Variants in GALNT17 observed in about 807,000 individuals in gnomAD.
GALNT17 encodes UDP-GalNAc:polypeptide N-acetylgalactosaminyltransferase-like 3.
In GALNT17, 29 loss-of-function variants were observed where a neutral mutation model predicts 63.7. The ratio of observed to expected loss-of-function variants is 0.46; its 90% CI spans 0.34 to 0.62. The LOEUF (loss-of-function observed/expected upper bound fraction) is 0.62. GALNT17 is among the 20% of genes least tolerant of loss of function. The probability of loss-of-function intolerance (pLI) is 0.01; values close to 1 mark genes in which losing one functional copy is unlikely to be tolerated. For synonymous variants in GALNT17, 305 were observed against 318.3 expected, an observed-to-expected ratio of 0.96 and a Z score of 0.45; for missense variants, 603 against 799.6, an observed-to-expected ratio of 0.75 and a Z score of 2.97.
chr7:71,526,263 C>T (rs941571924), intron 5 of GALNT17, among the ~76,000 whole-genome samples: 9 of 152,188 alleles, frequency 5.9e-5, no homozygotes, highest in African/African-American at 2.2e-4. Context: ...GGAATAGAAA[C>T]AGTACCTAGG....
chr7:71,133,832 G>T (rs758828365), intron 1 of GALNT17, among the ~76,000 whole-genome samples: 9 of 152,206 alleles, frequency 5.9e-5, no homozygotes, highest in Non-Finnish European at 8.8e-5. Context: ...CAACGTCAGA[G>T]TGAGTGTTAC....
intron 8 of GALNT17, among the ~76,000 whole-genome samples, chr7:71,672,098 C>A (rs925170178): frequency 4.0e-5 from 6 of 150,862 alleles, no homozygotes; most frequent in Non-Finnish European, 7.4e-5. Context: ...AACTGCCTTG[C>A]CTTTTCTTCT....
intron 6 of GALNT17, among the ~76,000 whole-genome samples, chr7:71,578,015 T>C (rs987657965): frequency 2.5e-4 from 34 of 133,862 alleles, no homozygotes; most frequent in Middle Eastern, 7.5e-3. Context: ...ATTTATTTAT[T>C]TATTTATTTA....
intron 1 of GALNT17, among the ~76,000 whole-genome samples, chr7:71,212,466 C>G (rs1184532667): frequency 6.6e-6 from 1 of 152,178 alleles, no homozygotes; most frequent in African/African-American, 2.4e-5. Context: ...GGTTGGAGCC[C>G]CCACACAGAG....
chr7:71,706,914 G>A (rs574759036), intron 9 of GALNT17, among the ~76,000 whole-genome samples: 1 of 152,298 alleles, frequency 6.6e-6, no homozygotes, highest in East Asian at 1.9e-4. Context: ...TTCTGGAGGA[G>A]GTGGGGTTCT....
chr7:71,648,319 G>A lies in GALNT17; in HGVS notation c.1081-17092G>A, dbSNP rs560740112. Among the ~76,000 whole-genome samples, 18 of 151,350 alleles carry A rather than the reference G, an allele frequency of 1.2e-4. No homozygotes were observed. The South Asian group carries it at 1.7e-3, about 14-fold the overall frequency. On this transcript the variant is annotated intron_variant, in intron 6 of 10. Transcript: ENST00000333538. ...AAAGTCTCACTCTGTTGCCCAGGCT[G>A]GAGTACAGTGGCTCAATCACAGCTC... is the stretch of plus-strand genomic sequence containing the variant.
intron 1 of GALNT17, among the ~76,000 whole-genome samples, chr7:71,218,256 T>C (rs1789522317): frequency 6.6e-6 from 1 of 152,092 alleles, no homozygotes; most frequent in African/African-American, 2.4e-5. Context: ...TTATCCGGCA[T>C]GGTGGTGGGT....
intron 8 of GALNT17, among the ~76,000 whole-genome samples, chr7:71,675,936 C>T (rs759043034): frequency 1.3e-5 from 2 of 152,102 alleles, no homozygotes; most frequent in South Asian, 2.1e-4. Flanking sequence ...TGCAGTGAGT[C>T]GAGATCGCGC....
At chr7:71,620,732 A>G (rs1790277570) in intron 6 of GALNT17, among the ~76,000 whole-genome samples, 2 of 152,322 alleles carry the variant, frequency 1.3e-5, no homozygotes, top group South Asian at 2.1e-4. Context: ...CCTTTTCTTT[A>G]TGCACCAAAC....
intron 1 of GALNT17, among the ~76,000 whole-genome samples, chr7:71,253,251 G>A (rs1221468899): frequency 1.3e-5 from 2 of 152,152 alleles, no homozygotes; most frequent in East Asian, 1.9e-4. Context: ...CCGTGGCTGG[G>A]GAGGCCTTAC....
intron 6 of GALNT17, among the ~76,000 whole-genome samples, chr7:71,662,991 T>TGTTGAAAGTTA (rs1218335065): frequency 3.0e-4 from 45 of 152,340 alleles, no homozygotes; most frequent in Admixed American, 8.5e-4. Flanking sequence ...TTGACACCCT[T>TGTTGAAAGTTA]GTTGAAAGTT....
intron 3 of GALNT17, among the ~76,000 whole-genome samples, chr7:71,413,917 T>C (rs540209501): frequency 6.6e-6 from 1 of 152,146 alleles, no homozygotes; most frequent in South Asian, 2.1e-4. Context: ...GAATGGTGTC[T>C]ACTGCTATAC....
chr7:71,244,632 T>G (rs776216028), intron 1 of GALNT17, among the ~76,000 whole-genome samples: 1 of 152,172 alleles, frequency 6.6e-6, no homozygotes, highest in Non-Finnish European at 1.5e-5. Context: ...GATTTTAGAA[T>G]GAAGGCAGAG....
intron 5 of GALNT17, among the ~76,000 whole-genome samples, chr7:71,523,012 C>A (rs1240150374): frequency 6.6e-6 from 1 of 151,908 alleles, no homozygotes; most frequent in African/African-American, 2.4e-5. Context: ...TCAAGACCAT[C>A]CTGGGCAATG....
chr7:71,699,815 C>T (rs1375048455), intron 9 of GALNT17, among the ~76,000 whole-genome samples: 1 of 151,580 alleles, frequency 6.6e-6, no homozygotes, highest in Non-Finnish European at 1.5e-5. Flanking sequence ...CACCTGTAGT[C>T]CCAGCTACTT....
chr7:71,188,438 T>A (rs762146373), intron 1 of GALNT17, among the ~76,000 whole-genome samples: 2 of 152,188 alleles, frequency 1.3e-5, no homozygotes, highest in Non-Finnish European at 2.9e-5. Context: ...GGGAGTCAGG[T>A]GGTATCACAT....
intron 6 of GALNT17, among the ~76,000 whole-genome samples, chr7:71,642,278 C>G (rs1018379223): frequency 3.3e-5 from 5 of 152,050 alleles, no homozygotes; most frequent in Admixed American, 2.0e-4. Flanking sequence ...TGTGGACACT[C>G]AGCCCATTGC....
chr7:71,219,686 AG>A (rs1789548636), intron 1 of GALNT17, among the ~76,000 whole-genome samples: 1 of 152,072 alleles, frequency 6.6e-6, no homozygotes, highest in Non-Finnish European at 1.5e-5. Flanking sequence ...GAGGATGATA[AG>A]GGGGTTTCCC....
intron 5 of GALNT17, among the ~76,000 whole-genome samples, chr7:71,568,544 A>G (rs1043180902): frequency 3.3e-5 from 5 of 152,252 alleles, no homozygotes; most frequent in African/African-American, 7.2e-5. Context: ...TGTGTACCCA[A>G]TGTTTAGCTC....
Sources: gnomAD v4.1 joint callset for allele counts (sites outside exome capture counted in the v4.1 genomes callset) on GRCh38, gnomAD v4.1.1 for gene constraint, MANE v1.5 for transcripts, NCBI Gene and HGNC (gene_info 2026-07-23, HGNC 2026-07-21) for gene names.